GSE1: variants seen among roughly 807,000 people sequenced by gnomAD.
GSE1 encodes Gse1 coiled-coil protein.
GSE1 carries 32 observed loss-of-function variants against 112.6 expected under a neutral mutation model. That is an observed-to-expected ratio of 0.28 (90% confidence interval 0.21 to 0.38). The LOEUF (loss-of-function observed/expected upper bound fraction) is 0.38. GSE1 is among the 10% of genes least tolerant of loss of function. The pLI is 1.00. For missense variants in GSE1, 2,348 were observed against 1,699.2 expected (o/e 1.38, Z -6.71); for synonymous variants, 1,115 against 735.6 (o/e 1.52, Z -8.35).
intron 2 of GSE1, among the ~76,000 whole-genome samples, chr16:85,481,047 C>T (rs112685725): frequency 6.6e-5 from 10 of 152,102 alleles, no homozygotes; most frequent in Non-Finnish European, 8.8e-5. Flanking sequence ...CTGGGCCGCT[C>T]GGCCTCCGGC....
At chr16:85,656,891 C>T (rs74986001) in intron 7 of GSE1, among the ~76,000 whole-genome samples, 3,563 of 152,302 alleles carry the variant, frequency 0.023, 147 homozygotes, top group African/African-American at 0.082. Flanking sequence ...GAAATGTAGC[C>T]GGGGCATTAG....
chr16:85,258,157 A>C (rs769470020), intron 1 of GSE1, among the ~76,000 whole-genome samples: 6 of 152,234 alleles, frequency 3.9e-5, no homozygotes, highest in Non-Finnish European at 5.9e-5. Flanking sequence ...AGCAGGCAGC[A>C]GGGGCCTCCT....
At chr16:85,233,594 C>T (rs746539865) in intron 1 of GSE1, among the ~76,000 whole-genome samples, 1 of 152,082 alleles carries the variant, frequency 6.6e-6, no homozygotes, top group African/African-American at 2.4e-5. Context: ...GTCCACGTGG[C>T]GTCTGCATGT....
intron 1 of GSE1, among the ~76,000 whole-genome samples, chr16:85,181,808 A>G (rs992081757): frequency 4.6e-5 from 7 of 152,216 alleles, no homozygotes; most frequent in African/African-American, 1.7e-4. Flanking sequence ...AAGGGAGGCC[A>G]GGAGGCACCT....
At chr16:85,603,540 G>A (rs114145063) in intron 1 of GSE1, among the ~76,000 whole-genome samples, 4,754 of 152,248 alleles carry the variant, frequency 0.031, 272 homozygotes, top group African/African-American at 0.11. Flanking sequence ...TCACTGTGTC[G>A]CCCAGGCTGT....
chr16:85,199,920 C>G (rs921660256), intron 1 of GSE1, among the ~76,000 whole-genome samples: 9 of 152,096 alleles, frequency 5.9e-5, no homozygotes, highest in African/African-American at 2.2e-4. Flanking sequence ...TGGATGGCCA[C>G]TGTGGGATGT....
intron 2 of GSE1, among the ~76,000 whole-genome samples, chr16:85,524,399 G>C (rs1022714745): frequency 3.3e-5 from 5 of 152,120 alleles, no homozygotes; most frequent in Non-Finnish European, 7.4e-5. Context: ...GGCTGCCTGC[G>C]AAGCTCAGAA....
intron 1 of GSE1, among the ~76,000 whole-genome samples, chr16:85,602,423 T>TG (rs2047506649): frequency 6.6e-6 from 1 of 152,136 alleles, no homozygotes; most frequent in South Asian, 2.1e-4. Flanking sequence ...GGAGGCTTCT[T>TG]GGGGGCTAAT....
intron 1 of GSE1, among the ~76,000 whole-genome samples, chr16:85,237,205 C>T (rs530302950): frequency 1.6e-4 from 24 of 152,274 alleles, no homozygotes; most frequent in South Asian, 8.3e-4. Flanking sequence ...CGCCTGTAAT[C>T]CCAGCTACTC....
chr16:85,597,144 A>G (rs554568801), intron 1 of GSE1, among the ~76,000 whole-genome samples: 34 of 151,716 alleles, frequency 2.2e-4, no homozygotes, highest in South Asian at 2.1e-3. Context: ...ATGCCCGGCT[A>G]ATTTTTGCAT....
intron 2 of GSE1, among the ~76,000 whole-genome samples, chr16:85,513,575 C>T (rs1426576060): frequency 6.6e-6 from 1 of 152,200 alleles, no homozygotes; most frequent in Non-Finnish European, 1.5e-5. Context: ...CTTCACTGGG[C>T]CAGCCCCTTC....
chr16:85,603,667 A>G (rs2047564026), intron 1 of GSE1, among the ~76,000 whole-genome samples: 1 of 151,976 alleles, frequency 6.6e-6, no homozygotes, highest in South Asian at 2.1e-4. Flanking sequence ...AAGCCTGGTT[A>G]TTTTTTTATT....
intron 2 of GSE1, among the ~76,000 whole-genome samples, chr16:85,485,978 G>T (rs1370741244): frequency 6.6e-6 from 1 of 152,202 alleles, no homozygotes; most frequent in East Asian, 1.9e-4. Context: ...CTCCATAGGG[G>T]CCCTGTTCTG....
At chr16:85,209,760 G>C (rs1229051748) in intron 1 of GSE1, among the ~76,000 whole-genome samples, 1 of 152,202 alleles carries the variant, frequency 6.6e-6, no homozygotes, top group East Asian at 1.9e-4. Flanking sequence ...GTTGCCTGCT[G>C]GGCCTGCCCT....
chr16:85,239,751 G>C (rs560372294), intron 1 of GSE1, among the ~76,000 whole-genome samples: 2 of 152,242 alleles, frequency 1.3e-5, no homozygotes, highest in African/African-American at 4.8e-5. Flanking sequence ...TCCCACCGGG[G>C]CTGTGATTCT....
intron 1 of GSE1, among the ~76,000 whole-genome samples, chr16:85,560,024 G>A (rs1484173775): frequency 1.3e-5 from 2 of 152,126 alleles, no homozygotes; most frequent in East Asian, 1.9e-4. Context: ...AGCGCTTGTC[G>A]AGTGATAACT....
At chr16:85,286,566 G>A (rs2045031682) in intron 1 of GSE1, among the ~76,000 whole-genome samples, 2 of 152,250 alleles carry the variant, frequency 1.3e-5, no homozygotes, top group Non-Finnish European at 2.9e-5. Context: ...ACTGGGGACT[G>A]TGAAAATAAA....
chr16:85,509,100 G>A (rs1333608926), intron 2 of GSE1, among the ~76,000 whole-genome samples: 4 of 152,198 alleles, frequency 2.6e-5, no homozygotes, highest in Non-Finnish European at 5.9e-5. Context: ...CGCTCACCTG[G>A]TGAGGGGCGA....
chr16:85,460,859 C>A (rs986777229), intron 2 of GSE1, among the ~76,000 whole-genome samples: 4 of 152,200 alleles, frequency 2.6e-5, no homozygotes, highest in Admixed American at 6.5e-5. Context: ...CAGTTCAGAC[C>A]CAGGGGACCG....
Sources: allele counts gnomAD v4.1 joint callset (sites outside exome capture counted in the v4.1 genomes callset), GRCh38; gene constraint gnomAD v4.1.1; transcripts MANE v1.5; gene names NCBI Gene and HGNC (gene_info 2026-07-23, HGNC 2026-07-21).